TRIO: variants seen among roughly 807,000 people sequenced by gnomAD.
The protein encoded by TRIO is triple functional domain protein.
A neutral mutation model predicts 351.9 loss-of-function variants in TRIO; 58 were observed. The ratio of observed to expected loss-of-function variants is 0.16; its 90% CI spans 0.13 to 0.21. TRIO has a LOEUF of 0.21. TRIO is among the 10% of genes least tolerant of loss of function. The probability of loss-of-function intolerance (pLI) is 1.00; values close to 1 mark genes in which losing one functional copy is unlikely to be tolerated. For synonymous variants in TRIO, 1,758 were observed against 1,595.7 expected, an observed-to-expected ratio of 1.10 and a Z score of -2.42; for missense variants, 3,201 against 4,027.8, an observed-to-expected ratio of 0.79 and a Z score of 5.56.
At chr5:14,205,332 G>A (rs768492489) in intron 1 of TRIO, among the ~76,000 whole-genome samples, 2 of 152,174 alleles carry the variant, frequency 1.3e-5, no homozygotes, top group African/African-American at 4.8e-5. Flanking sequence ...TAAGAACAAA[G>A]GATAAAATAA....
intron 34 of TRIO, among the ~76,000 whole-genome samples, chr5:14,421,845 G>A (rs1750189459): frequency 6.6e-6 from 1 of 152,122 alleles, no homozygotes; most frequent in South Asian, 2.1e-4. Context: ...CAAGGGATGA[G>A]GATTTAGACG....
intron 1 of TRIO, among the ~76,000 whole-genome samples, chr5:14,164,198 A>C (rs1464784437): frequency 6.6e-6 from 1 of 152,204 alleles, no homozygotes; most frequent in East Asian, 1.9e-4. Context: ...CAATGCTAGA[A>C]AATTTTTTAT....
chr5:14,487,202 G>T (rs536664462), intron 47 of TRIO, among the ~76,000 whole-genome samples: 2 of 152,272 alleles, frequency 1.3e-5, no homozygotes, highest in East Asian at 3.9e-4. Context: ...CAAATCTGTT[G>T]CCTTGGTCTT....
chr5:14,420,250 G>T, intron 34 of TRIO: 1 of 596,532 alleles, frequency 1.7e-6, no homozygotes, highest in South Asian at 2.0e-5. Flanking sequence ...CTTCCAGGGC[G>T]GTGTAGTGAG....
chr5:14,418,155 G>T (rs932399733), intron 33 of TRIO, among the ~76,000 whole-genome samples: 1 of 152,324 alleles, frequency 6.6e-6, no homozygotes, highest in Middle Eastern at 3.4e-3. Context: ...GCTTAGAATA[G>T]AGGGGACGTG....
intron 21 of TRIO, among the ~76,000 whole-genome samples, chr5:14,382,840 G>A (rs987634960): frequency 4.9e-5 from 7 of 142,562 alleles, no homozygotes; most frequent in Non-Finnish European, 9.2e-5. Flanking sequence ...TCTGTATTTA[G>A]GGGCGTGTGT....
rs115318845 is a variant in TRIO, at chr5:14,298,255, T to C, written c.1368+992T>C. On this transcript the variant is annotated intron_variant, in intron 7 of 56. Transcript: ENST00000344204. ...TCCCCATACCTCCATTTAAGCAAAC[T>C]TGCTTAAACAAACGCTCTGAAAGTA... is the stretch of plus-strand genomic sequence containing the variant. Among the ~76,000 whole-genome samples the C allele has an allele frequency of 2.0e-3, 307 of 152,272 alleles. 4 individuals carry two copies. The highest frequency in any genetic ancestry group is 7.1e-3 in the African/African-American group (294 of 41,564).
At chr5:14,399,142 T>C (rs1388363988) in intron 30 of TRIO, 72 bp downstream of exon 30, 3 of 1,402,822 alleles carry the variant, frequency 2.1e-6, no homozygotes, top group South Asian at 2.3e-5. Context: ...TAGAGAAGAA[T>C]TGTTCATTGT....
At chr5:14,289,878 A>G (rs550742206) in intron 4 of TRIO, among the ~76,000 whole-genome samples, 1 of 152,080 alleles carries the variant, frequency 6.6e-6, no homozygotes, top group Non-Finnish European at 1.5e-5. Context: ...AAATATAAAG[A>G]TTTCTTGCTT....
Position 14,495,639 on chromosome 5 carries a change from T to C in TRIO, c.7881-1240T>C, listed in dbSNP as rs1301676924. Among the ~76,000 whole-genome samples the C allele has an allele frequency of 2.9e-5, 3 of 101,734 alleles. No homozygotes were observed. In the East Asian group the frequency reaches 8.6e-4, roughly 29 times the overall value. The allele number at this position is 101,734 out of a possible 152,430, so 66.7% of individuals were successfully genotyped here. A position where few individuals can be genotyped will look rare whatever the true frequency, so the allele number is the denominator to read the frequency against. On this transcript the variant is annotated intron_variant, in intron 49 of 56. Transcript: ENST00000344204. ...TTCACAACCAGCCTGGCCAACATAG[T>C]GAAACCCCGTCTCTACTAGAAAAAA...
At chr5:14,373,114 G>C (rs1369678582) in intron 18 of TRIO, among the ~76,000 whole-genome samples, 1 of 152,132 alleles carries the variant, frequency 6.6e-6, no homozygotes, top group Admixed American at 6.5e-5. Context: ...CTCAGTTGCT[G>C]CACGAGAACA....
rs375300090 is a variant in TRIO at position 14,388,601 on chromosome 5, C to T, written c.3882-12C>T. On this transcript the variant is annotated splice_polypyrimidine_tract_variant and intron_variant, in intron 23 of 56. Transcript: ENST00000344204. Reference sequence around the variant, plus strand: ...CCCTGACTGTACTCCTCACTGTCTTCCTCTCTTTAAGGTTCATAATGGCTG... The same window carrying T: ...CCCTGACTGTACTCCTCACTGTCTTTCTCTCTTTAAGGTTCATAATGGCTG... The T allele has an allele frequency of 6.2e-7, 1 of 1,611,712 alleles. No individual in the cohort carries two copies. The highest frequency in any genetic ancestry group is 1.3e-5 in the African/African-American group (1 of 74,572).
rs781081298 is a variant in TRIO, at chr5:14,487,764, C to G, written c.7136C>G (p.Pro2379Arg). 1.1e-4 allele frequency: 146 copies of G among 1,376,696 alleles called. No individual in the cohort carries two copies. The highest frequency in any genetic ancestry group is 2.0e-4 in the Middle Eastern group (1 of 4,976). 85.3% of individuals were successfully genotyped at this position (1,376,696 alleles called of 1,614,324 possible). ...TSTPGPSLPPPGAAPEAGPSA... is the reference protein window; with the variant it reads ...TSTPGPSLPPRGAAPEAGPSA... ...ACCCCCGGGCCCTCCCTGCCTCCCC[C>G]TGGCGCGGCCCCCGAGGCCGGCCCC... is the stretch of plus-strand genomic sequence containing the variant. Residue 2379 changes from proline to arginine, a missense_variant, in exon 48 of 57, where the codon CCT becomes CGT. By Grantham distance (103) the Pro-to-Arg change is moderately radical (BLOSUM62 -2). Transcript: ENST00000344204.
intron 1 of TRIO, among the ~76,000 whole-genome samples, chr5:14,178,779 A>G (rs1789563058): frequency 6.6e-6 from 1 of 152,216 alleles, no homozygotes; most frequent in Admixed American, 6.5e-5. Flanking sequence ...ACATAAAGGC[A>G]TGGACAGTTG....
chr5:14,321,907 T>C (rs1302820783), intron 9 of TRIO, among the ~76,000 whole-genome samples: 1 of 152,210 alleles, frequency 6.6e-6, no homozygotes, highest in Non-Finnish European at 1.5e-5. Flanking sequence ...ATGTAAGACA[T>C]GCCTTTGCTT....
At chr5:14,260,444 A>T (rs1261357701) in intron 1 of TRIO, among the ~76,000 whole-genome samples, 2 of 152,226 alleles carry the variant, frequency 1.3e-5, no homozygotes, top group South Asian at 4.1e-4. Context: ...TCTGGGGTTT[A>T]AGAGAGTACC....
chr5:14,508,592 T>C lies in TRIO; in HGVS notation c.*170T>C. On this transcript the variant is annotated 3_prime_UTR_variant, in exon 57 of 57. Coordinates refer to ENST00000344204, the MANE Select transcript of TRIO (RefSeq NM_007118.4). ...AGTGCTTGGACACAGAGCTGCAAGC[T>C]GCGCTGGGGTGGAGGACCGTCACTT... The C allele has an allele frequency of 1.2e-6, 1 of 809,482 alleles. No homozygotes were observed. Among genetic ancestry groups the C allele is most frequent in the African/African-American group, 1.7e-5 (1 of 57,706 alleles). The allele number at this position is 809,482 out of a possible 1,614,324, so 50.1% of individuals were successfully genotyped here.
rs1409776833 is a variant in TRIO, at chr5:14,385,557, A to C, written c.3571-1881A>C. The stretch of plus-strand genomic sequence containing the variant: ...AGAAATATGAGAGAGAAAAATACTT[A>C]TATACATTTGCGCACTTGCTTGTAC... On this transcript the variant is annotated intron_variant, in intron 21 of 56. Transcript: ENST00000344204. 7.2e-5 allele frequency among the ~76,000 whole-genome samples: 11 copies of C among 152,316 alleles called. No homozygotes were observed. The East Asian group carries it at 1.9e-3, about 27-fold the overall frequency.
chr5:14,239,486 A>G (rs770335260), intron 1 of TRIO, among the ~76,000 whole-genome samples: 44 of 152,148 alleles, frequency 2.9e-4, no homozygotes, highest in Non-Finnish European at 5.1e-4. Flanking sequence ...ACAAACCCCT[A>G]GAGGTGTCGT....
Sources: gnomAD v4.1 joint callset for allele counts (sites outside exome capture counted in the v4.1 genomes callset) on GRCh38, gnomAD v4.1.1 for gene constraint, MANE v1.5 for transcripts, NCBI Gene and HGNC (gene_info 2026-07-23, HGNC 2026-07-21) for gene names.